The following ADCY1 variants were observed in gnomAD, a reference collection of about 807,000 sequenced individuals.
ADCY1 encodes the protein adenylate cyclase type 1.
In ADCY1, 28 loss-of-function variants were observed where a neutral mutation model predicts 105.4. The ratio of observed to expected loss-of-function variants is 0.27; its 90% CI spans 0.20 to 0.36. The LOEUF (loss-of-function observed/expected upper bound fraction) is 0.36, where lower values mean the gene tolerates loss of function less well. Among genes scored for constraint, ADCY1 ranks in the 10% least tolerant of loss-of-function variants. The probability of loss-of-function intolerance (pLI) is 1.00; values close to 1 mark genes in which losing one functional copy is unlikely to be tolerated. For synonymous variants in ADCY1, 655 were observed against 623.8 expected (o/e 1.05, Z -0.75); for missense variants, 977 against 1,434.2 (o/e 0.68, Z 5.15).
intron 2 of ADCY1, among the ~76,000 whole-genome samples, chr7:45,608,473 T>A (rs149341883): frequency 6.6e-6 from 1 of 152,196 alleles, no homozygotes; most frequent in Non-Finnish European, 1.5e-5. Context: ...AGGCCAGCAG[T>A]GGAGCAGGGC....
chr7:45,634,697 G>A (rs766835394), intron 4 of ADCY1, among the ~76,000 whole-genome samples: 4 of 152,168 alleles, frequency 2.6e-5, no homozygotes, highest in African/African-American at 2.4e-5. Flanking sequence ...CCTCCCTCTC[G>A]TGATGCTGGG....
At chr7:45,586,666 C>T (rs1792733870) in intron 1 of ADCY1, among the ~76,000 whole-genome samples, 1 of 152,210 alleles carries the variant, frequency 6.6e-6, no homozygotes, top group South Asian at 2.1e-4. Flanking sequence ...AATGATGTCA[C>T]ACCAGCACTC....
chr7:45,680,933 G>C (rs536004657), intron 11 of ADCY1, among the ~76,000 whole-genome samples: 3 of 152,356 alleles, frequency 2.0e-5, no homozygotes, highest in East Asian at 1.9e-4. Flanking sequence ...AGCCTGGAAA[G>C]CTCTGCCCAA....
At chr7:45,664,189 A>C in intron 8 of ADCY1, 2 of 1,038,734 alleles carry the variant, frequency 1.9e-6, no homozygotes, top group Non-Finnish European at 2.9e-6. Context: ...TTTACAAGGA[A>C]GTGCACCGTT....
At chr7:45,655,588 A>G (rs1454887229) in intron 5 of ADCY1, among the ~76,000 whole-genome samples, 2 of 152,362 alleles carry the variant, frequency 1.3e-5, no homozygotes, top group African/African-American at 4.8e-5. Flanking sequence ...GTAACTGTTC[A>G]GTTAACGGCA....
Position 45,651,785 on chromosome 7 carries a change from C to G in ADCY1, c.1148+2988C>G, listed in dbSNP as rs111375095. Among the ~76,000 whole-genome samples, 661 of 152,322 alleles carry G rather than the reference C, an allele frequency of 4.3e-3. 6 individuals carry two copies. The highest frequency in any genetic ancestry group is 0.015 in the African/African-American group (627 of 41,578). ...TTAATAGAGTCCTCGGTGGCAGGCT[C>G]AGTGCCTGAGTGACCAGGAAGGAGA... On this transcript the variant is annotated intron_variant, in intron 5 of 19. Coordinates refer to ENST00000297323, the MANE Select transcript of ADCY1 (RefSeq NM_021116.4).
chr7:45,610,758 G>GA (rs1562686969), intron 3 of ADCY1, among the ~76,000 whole-genome samples: 1 of 98,314 alleles, frequency 1.0e-5, no homozygotes, highest in Admixed American at 1.0e-4. Context: ...TGATGGAGGT[G>GA]TAGAGGTGAT....
intron 4 of ADCY1, among the ~76,000 whole-genome samples, chr7:45,642,311 C>G (rs540806488): frequency 1.1e-3 from 167 of 152,232 alleles, no homozygotes; most frequent in Non-Finnish European, 2.0e-3. Context: ...GGAGTGGGCC[C>G]TGGTTTGTAC....
chr7:45,607,190 G>A (rs938611697), intron 2 of ADCY1, among the ~76,000 whole-genome samples: 20 of 152,188 alleles, frequency 1.3e-4, no homozygotes, highest in Non-Finnish European at 1.8e-4. Context: ...TAGGAACGTC[G>A]TGTGACAGTG....
chr7:45,687,184 C>A (rs1292851838), intron 14 of ADCY1, among the ~76,000 whole-genome samples: 4 of 151,282 alleles, frequency 2.6e-5, no homozygotes, highest in Admixed American at 2.6e-4. Flanking sequence ...ATAAGCACCA[C>A]TCTTTGGGAG....
intron 4 of ADCY1, among the ~76,000 whole-genome samples, chr7:45,635,086 G>A (rs1192767830): frequency 6.6e-6 from 1 of 150,740 alleles, no homozygotes; most frequent in Non-Finnish European, 1.5e-5. Context: ...TTTCTTTGTG[G>A]AAAAGTTTTT....
intron 11 of ADCY1, among the ~76,000 whole-genome samples, chr7:45,683,750 T>C (rs1784609507): frequency 6.6e-6 from 1 of 152,204 alleles, no homozygotes; most frequent in Non-Finnish European, 1.5e-5. Flanking sequence ...GCTCAGGTCA[T>C]GCGGTAACTT....
intron 4 of ADCY1, among the ~76,000 whole-genome samples, chr7:45,637,727 A>G (rs997952350): frequency 2.0e-5 from 3 of 152,230 alleles, no homozygotes; most frequent in Admixed American, 2.0e-4. Context: ...CCTATGTGTG[A>G]AAAGATAAAT....
intron 3 of ADCY1, among the ~76,000 whole-genome samples, chr7:45,615,771 T>G (rs1793723393): frequency 1.3e-5 from 2 of 148,770 alleles, no homozygotes; most frequent in South Asian, 4.4e-4. Flanking sequence ...ATTAACAATA[T>G]TAACTTTGCA....
At chr7:45,705,199 AG>A (rs1314630476) in intron 17 of ADCY1, among the ~76,000 whole-genome samples, 1 of 152,198 alleles carries the variant, frequency 6.6e-6, no homozygotes, top group Non-Finnish European at 1.5e-5. Flanking sequence ...CAGAAGCAGA[AG>A]GAACACTTTC....
chr7:45,586,502 T>C (rs1792728499), intron 1 of ADCY1, among the ~76,000 whole-genome samples: 1 of 152,188 alleles, frequency 6.6e-6, no homozygotes, highest in South Asian at 2.1e-4. Context: ...CATCACTGGC[T>C]CCAACAATTA....
chr7:45,668,164 T>A (rs1328601960), intron 8 of ADCY1, among the ~76,000 whole-genome samples: 1 of 152,180 alleles, frequency 6.6e-6, no homozygotes, highest in African/African-American at 2.4e-5. Flanking sequence ...TCCAACACTA[T>A]GTTGAATAGG....
Position 45,574,837 on chromosome 7 carries a change from C to T in ADCY1, c.294C>T (p.His98=), listed in dbSNP as rs1222461645. ...PGLAKGSHPV[H]CVLFLALLVV... The stretch of plus-strand genomic sequence containing the variant: ...TGGCCAAGGGCTCACACCCGGTGCA[C>T]TGCGTCCTCTTCCTGGCGCTGCTCG... The change falls in exon 1 of 20, where the codon CAC becomes CAT. Residue 98 remains histidine (H), a synonymous_variant. Coordinates refer to ENST00000297323, the MANE Select transcript of ADCY1 (RefSeq NM_021116.4). The surrounding 1 kb of genome is among the most constrained non-coding windows in gnomAD (Gnocchi z 7.0). 1 of 1,610,578 alleles carries T rather than the reference C, an allele frequency of 6.2e-7. No individual in the cohort carries two copies. The highest frequency in any genetic ancestry group is 1.3e-5 in the African/African-American group (1 of 74,814).
At chr7:45,612,761 C>T (rs980339207) in intron 3 of ADCY1, among the ~76,000 whole-genome samples, 5 of 152,208 alleles carry the variant, frequency 3.3e-5, no homozygotes, top group Admixed American at 2.6e-4. Flanking sequence ...GAACAAGCCT[C>T]TATCTCTCCC....
Sources: allele counts gnomAD v4.1 joint callset (sites outside exome capture counted in the v4.1 genomes callset), GRCh38; gene constraint gnomAD v4.1.1; non-coding constraint Gnocchi (gnomAD v3.1); transcripts MANE v1.5; gene names NCBI Gene and HGNC (gene_info 2026-07-23, HGNC 2026-07-21).